ABCC1: variants seen among roughly 807,000 people sequenced by gnomAD.
ABCC1 encodes multidrug resistance-associated protein 1.
In ABCC1, 83 loss-of-function variants were observed where a neutral mutation model predicts 172.9. The ratio of observed to expected loss-of-function variants is 0.48; its 90% CI spans 0.40 to 0.58. The LOEUF (loss-of-function observed/expected upper bound fraction) is 0.58, where lower values mean the gene tolerates loss of function less well. Among genes scored for constraint, ABCC1 ranks in the 20% least tolerant of loss-of-function variants. The pLI is 0.00. For missense variants in ABCC1, 1,817 were observed against 2,002.7 expected (o/e 0.91, Z 1.77); for synonymous variants, 937 against 825.2 (o/e 1.14, Z -2.32).
chr16:16,069,245 G>T (rs1199004148), intron 13 of ABCC1, among the ~76,000 whole-genome samples: 3 of 151,760 alleles, frequency 2.0e-5, no homozygotes, highest in Admixed American at 1.3e-4. Flanking sequence ...ATGGTGGTGT[G>T]CCCCTGTACT....
chr16:16,001,997 T>C (rs1174669062), intron 1 of ABCC1, among the ~76,000 whole-genome samples: 1 of 152,192 alleles, frequency 6.6e-6, no homozygotes, highest in Non-Finnish European at 1.5e-5. Flanking sequence ...GAGTTACAGA[T>C]GGGAGCCACC....
intron 1 of ABCC1, among the ~76,000 whole-genome samples, chr16:15,967,354 G>A (rs2046265999): frequency 6.6e-6 from 1 of 152,032 alleles, no homozygotes; most frequent in Non-Finnish European, 1.5e-5. Flanking sequence ...CCAGGTCTGG[G>A]TGAGTCTCTT....
intron 1 of ABCC1, among the ~76,000 whole-genome samples, chr16:15,981,442 A>T (rs9928852): frequency 0.012 from 1,856 of 152,284 alleles, 47 homozygotes; most frequent in African/African-American, 0.042. Flanking sequence ...GGAGGTTCCC[A>T]AACCTTGATT....
chr16:16,023,446 C>G (rs986706782), intron 5 of ABCC1, among the ~76,000 whole-genome samples: 1 of 152,202 alleles, frequency 6.6e-6, no homozygotes, highest in African/African-American at 2.4e-5. Flanking sequence ...GAAGTTCCCT[C>G]GTGCCCCTTC....
chr16:16,098,858 C>G (rs1438253328), intron 19 of ABCC1: 1 of 1,352,074 alleles, frequency 7.4e-7, no homozygotes, highest in Admixed American at 1.9e-5. Flanking sequence ...TATCTTGGGT[C>G]TTCTGAATTC....
intron 7 of ABCC1, among the ~76,000 whole-genome samples, chr16:16,043,685 T>G (rs903438322): frequency 1.3e-5 from 2 of 151,906 alleles, no homozygotes; most frequent in African/African-American, 4.8e-5. Flanking sequence ...CACAGCAACC[T>G]CCACCTCCCA....
chr16:16,108,688 C>T (rs565526028), intron 21 of ABCC1, among the ~76,000 whole-genome samples: 3 of 151,444 alleles, frequency 2.0e-5, no homozygotes, highest in Non-Finnish European at 2.9e-5. Flanking sequence ...CTCCACCTCC[C>T]GGATTCAAGT....
At chr16:15,975,656 A>C (rs559610005) in intron 1 of ABCC1, among the ~76,000 whole-genome samples, 1 of 151,860 alleles carries the variant, frequency 6.6e-6, no homozygotes, top group East Asian at 2.0e-4. Context: ...TCCTGGGTTC[A>C]AACGATTCTC....
intron 7 of ABCC1, among the ~76,000 whole-genome samples, chr16:16,039,599 G>C: frequency 6.6e-6 from 1 of 152,056 alleles, no homozygotes; most frequent in Non-Finnish European, 1.5e-5. Flanking sequence ...AGTGGTCAAA[G>C]GTTCTACCCA....
chr16:16,122,447 C>CCTAGTGATGCAAGA (rs59313616), intron 24 of ABCC1, among the ~76,000 whole-genome samples: 3,409 of 152,242 alleles, frequency 0.022, 66 homozygotes, highest in Middle Eastern at 0.044. Context: ...TAACTGTCAT[C>CCTAGTGATGCAAGA]CTAGTGATGC....
chr16:15,956,276 C>T (rs532735162), intron 1 of ABCC1, among the ~76,000 whole-genome samples: 6 of 151,794 alleles, frequency 4.0e-5, no homozygotes, highest in African/African-American at 1.5e-4. Flanking sequence ...GAGGCATGAG[C>T]ATTGCTTGAA....
intron 13 of ABCC1, 79 bp downstream of exon 13, chr16:16,068,381 C>G: frequency 6.5e-7 from 1 of 1,542,968 alleles, no homozygotes; most frequent in Non-Finnish European, 8.9e-7. Flanking sequence ...TGCCCCCGAG[C>G]GCAGCCTCTA....
intron 23 of ABCC1, among the ~76,000 whole-genome samples, chr16:16,117,976 C>T (rs1183611954): frequency 3.3e-5 from 5 of 152,188 alleles, no homozygotes; most frequent in Non-Finnish European, 7.3e-5. Flanking sequence ...TGCTGCATCC[C>T]TTCTGCAGAA....
At chr16:15,985,026 C>G (rs1456256272) in intron 1 of ABCC1, among the ~76,000 whole-genome samples, 1 of 152,080 alleles carries the variant, frequency 6.6e-6, no homozygotes, top group African/African-American at 2.4e-5. Context: ...TTGCTTGAGC[C>G]TGGTAGGTAG....
intron 11 of ABCC1, among the ~76,000 whole-genome samples, chr16:16,053,564 G>A (rs12920754): frequency 0.39 from 59,167 of 151,642 alleles, 14,104 homozygotes; most frequent in Non-Finnish European, 0.53. Flanking sequence ...AAGGTGGGTG[G>A]ATCGCCTGAG....
Position 16,016,544 on chromosome 16 carries a change from TC to T in ABCC1, c.541del (p.Leu181SerfsTer47). ...TGACATCACTTTCTACGTCTACTTT[TC>T]CCTCTTACTCATTCAGCTCGTCTTG... ...FRDITFYVYFSLLLIQLVLSC... is the reference protein window; with the variant it reads ...FRDITFYVYFXLLLIQLVLSC... On this transcript the variant is annotated frameshift_variant, in exon 5 of 31. Transcript: ENST00000399410. LOFTEE classifies it high-confidence loss of function. The T allele has an allele frequency of 6.2e-7, 1 of 1,614,164 alleles. No homozygotes were observed. Among genetic ancestry groups the T allele is most frequent in the South Asian group, 1.1e-5 (1 of 91,080 alleles).
At chr16:16,022,588 C>T (rs1279702972) in intron 5 of ABCC1, among the ~76,000 whole-genome samples, 1 of 152,082 alleles carries the variant, frequency 6.6e-6, no homozygotes, top group Non-Finnish European at 1.5e-5. Flanking sequence ...AGGCCTCATC[C>T]CAGACCTACC....
At chr16:16,012,495 T>C (rs1162810949) in intron 3 of ABCC1, among the ~76,000 whole-genome samples, 1 of 151,412 alleles carries the variant, frequency 6.6e-6, no homozygotes, top group Non-Finnish European at 1.5e-5. Context: ...ATTTTTTTTT[T>C]TTTTTTTCAA....
intron 7 of ABCC1, among the ~76,000 whole-genome samples, chr16:16,037,112 AAAG>A (rs1202420226): frequency 5.3e-5 from 8 of 152,096 alleles, no homozygotes; most frequent in Non-Finnish European, 8.8e-5. Context: ...AAAAAAAAAA[AAAG>A]AAGAAAAATG....
Sources: gnomAD v4.1 joint callset for allele counts (sites outside exome capture counted in the v4.1 genomes callset) on GRCh38, gnomAD v4.1.1 for gene constraint, MANE v1.5 for transcripts, NCBI Gene and HGNC (gene_info 2026-07-23, HGNC 2026-07-21) for gene names.